NKD1: variants seen among roughly 807,000 people sequenced by gnomAD.
NKD1 encodes the protein protein naked cuticle homolog 1.
Under a neutral mutation model 56.0 loss-of-function variants are expected in NKD1, and 21 were observed. The observed-to-expected ratio is 0.38, with a 90% CI of 0.27 to 0.54. The LOEUF is 0.54. Among genes scored for constraint, NKD1 ranks in the 20% least tolerant of loss-of-function variants. NKD1 has a pLI of 0.82. For missense variants in NKD1, 578 were observed against 642.7 expected (o/e 0.90, Z 1.09); for synonymous variants, 263 against 265.7 (o/e 0.99, Z 0.10).
intron 3 of NKD1, among the ~76,000 whole-genome samples, chr16:50,572,626 G>T (rs1278789566): frequency 6.6e-6 from 1 of 152,106 alleles, no homozygotes; most frequent in East Asian, 1.9e-4. Context: ...GTGAGAAGGG[G>T]TTCAGGGGAT....
chr16:50,574,587 G>C, intron 3 of NKD1: 1 of 985,428 alleles, frequency 1.0e-6, no homozygotes, highest in Non-Finnish European at 1.2e-6. Flanking sequence ...GAGTTCATTA[G>C]CAGCTGGCCT....
At chr16:50,628,034 C>T (rs1043082436) in intron 6 of NKD1, among the ~76,000 whole-genome samples, 1 of 152,148 alleles carries the variant, frequency 6.6e-6, no homozygotes, top group Non-Finnish European at 1.5e-5. Context: ...CTCTGCGGGC[C>T]TCGTCGAAAG....
Position 50,645,094 on chromosome 16 carries a change from T to G in NKD1, c.*11313T>G, listed in dbSNP as rs547340211. On this transcript the variant is annotated 3_prime_UTR_variant, in exon 10 of 10. Transcript: ENST00000268459. The stretch of plus-strand genomic sequence containing the variant: ...ACCACCGTCATCTCCAGGCTTTCTG[T>G]TCATCCGTACTTTCAAAGATTTAGT... 6.6e-6 allele frequency: 1 copy of G among 152,380 alleles called. No individual in the cohort carries two copies. Among genetic ancestry groups the G allele is most frequent in the African/African-American group, 2.4e-5 (1 of 41,578 alleles). The allele number at this position is 152,380 out of a possible 1,614,324, so 9.4% of individuals were successfully genotyped here. A position where few individuals can be genotyped will look rare whatever the true frequency, so the allele number is the denominator to read the frequency against.
intron 3 of NKD1, among the ~76,000 whole-genome samples, chr16:50,594,557 C>G (rs1195498867): frequency 6.6e-6 from 1 of 152,232 alleles, no homozygotes; most frequent in African/African-American, 2.4e-5. Context: ...AGAAGCCAAG[C>G]ACAGGTGCCA....
rs779914235 is a variant in NKD1, at chr16:50,633,225, C to A, written c.857C>A (p.Pro286His). The stretch of plus-strand genomic sequence containing the variant: ...TCCGTGGCCCAGAAGTCAGAACTGC[C>A]CCCCCGCACCTCCAATCCCACTCGA... ...SPSVAQKSEL[P>H]PRTSNPTRSR... The change falls in exon 10 of 10, where the codon CCC becomes CAC. Residue 286 changes from proline (P) to histidine (H), a missense_variant. Pro to His is a moderately conservative substitution (Grantham distance 77, BLOSUM62 -2). Transcript: ENST00000268459. This position sits in a 1 kb window ranked among gnomAD's most constrained non-coding sequence, Gnocchi z 4.9. The A allele has an allele frequency of 2.2e-5, 36 of 1,611,100 alleles. No individual in the cohort carries two copies. Among genetic ancestry groups the A allele is most frequent in the East Asian group, 1.1e-4 (5 of 44,822 alleles).
chr16:50,580,432 G>A (rs577219058), intron 3 of NKD1, among the ~76,000 whole-genome samples: 5 of 152,184 alleles, frequency 3.3e-5, no homozygotes, highest in African/African-American at 4.8e-5. Context: ...GCAGGTACAC[G>A]CAGGGAATGC....
intron 3 of NKD1, among the ~76,000 whole-genome samples, chr16:50,581,214 G>A (rs1255057309): frequency 6.6e-6 from 1 of 152,074 alleles, no homozygotes; most frequent in African/African-American, 2.4e-5. Flanking sequence ...GGAGATTCTG[G>A]GGAAAAAAAG....
At chr16:50,575,115 A>C in intron 3 of NKD1, 1 of 977,626 alleles carries the variant, frequency 1.0e-6, no homozygotes, top group Non-Finnish European at 1.2e-6. Context: ...TTTTTCCTTT[A>C]GCCAAGAAGT....
intron 3 of NKD1, among the ~76,000 whole-genome samples, chr16:50,590,957 T>G (rs2151271872): frequency 6.6e-6 from 1 of 152,178 alleles, no homozygotes; most frequent in East Asian, 1.9e-4. Flanking sequence ...AGCTGGTAGC[T>G]GGGATTACAG....
At chr16:50,583,733 A>G (rs919451424) in intron 3 of NKD1, among the ~76,000 whole-genome samples, 1 of 152,160 alleles carries the variant, frequency 6.6e-6, no homozygotes, top group Admixed American at 6.5e-5. Flanking sequence ...TTGCCTTTTA[A>G]GTATATAAAA....
chr16:50,606,306 C>G (rs28489623), intron 3 of NKD1: 15,253 of 154,466 alleles, frequency 0.099, 849 homozygotes, highest in African/African-American at 0.13. Context: ...CTCGGCCTCC[C>G]GAAGTGCTAG....
intron 2 of NKD1, chr16:50,548,993 C>T (rs1188971801): frequency 1.1e-5 from 10 of 926,828 alleles, no homozygotes; most frequent in Non-Finnish European, 1.3e-5. Flanking sequence ...GCGTCCCTGC[C>T]CTCGGCTCTC....
At chr16:50,627,712 T>C (rs1962254083) in intron 6 of NKD1, among the ~76,000 whole-genome samples, 1 of 152,220 alleles carries the variant, frequency 6.6e-6, no homozygotes, top group Admixed American at 6.5e-5. Context: ...CGTTCGTTCA[T>C]GCAGGAAATA....
At chr16:50,562,998 C>T (rs1378617618) in intron 3 of NKD1, among the ~76,000 whole-genome samples, 6 of 134,630 alleles carry the variant, frequency 4.5e-5, no homozygotes, top group East Asian at 2.1e-4. Context: ...CCCCCCCCCC[C>T]GCCGTAGAAT....
intron 3 of NKD1, among the ~76,000 whole-genome samples, chr16:50,603,655 T>C (rs550787882): frequency 1.3e-5 from 2 of 152,360 alleles, no homozygotes; most frequent in East Asian, 3.9e-4. Context: ...GGGAAGATGT[T>C]ACATTCAGAA....
At position 50,648,894 on chromosome 16, in the gene NKD1, C is replaced by T. The variant is rs1962728871; in HGVS notation, c.*15113C>T. ...CATTTTGGACCATGAGGACAACACC[C>T]TAGAGATGTGGAGTGGCTAAAAGAA... On this transcript the variant is annotated 3_prime_UTR_variant, in exon 10 of 10. Coordinates refer to ENST00000268459, the MANE Select transcript of NKD1 (RefSeq NM_033119.5). The T allele has an allele frequency of 6.6e-6, 1 of 152,186 alleles. No homozygotes were observed. The highest frequency in any genetic ancestry group is 2.4e-5 in the African/African-American group (1 of 41,442). The allele number at this position is 152,186 out of a possible 1,614,324, so 9.4% of individuals were successfully genotyped here.
In NKD1 at chr16:50,634,500, T is replaced by C. The variant is rs942323312; in HGVS notation, c.*719T>C. ...GATACACACACGTATTTAAGGACTA[T>C]CCCTGAGACCATCCTTCTCATTTTG... On this transcript the variant is annotated 3_prime_UTR_variant, in exon 10 of 10. Transcript: ENST00000268459. 2.0e-5 allele frequency: 3 copies of C among 152,356 alleles called. No homozygotes were observed. The highest frequency in any genetic ancestry group is 7.2e-5 in the African/African-American group (3 of 41,428). The allele number at this position is 152,356 out of a possible 1,614,324, so 9.4% of individuals were successfully genotyped here.
At chr16:50,562,980 ACCACCACCCC>A (rs1182933577) in intron 3 of NKD1, among the ~76,000 whole-genome samples, 3 of 56,398 alleles carry the variant, frequency 5.3e-5, no homozygotes, top group African/African-American at 2.9e-4. Flanking sequence ...GCTAGGTCCC[ACCACCACCCC>A]CCCCCCCCGC....
At chr16:50,617,227 C>CA (rs553485172) in intron 4 of NKD1, among the ~76,000 whole-genome samples, 13 of 152,138 alleles carry the variant, frequency 8.5e-5, no homozygotes, top group Non-Finnish European at 1.9e-4. Flanking sequence ...GACCCACAGT[C>CA]AAAGTTGTCA....
Sources: allele counts gnomAD v4.1 joint callset (sites outside exome capture counted in the v4.1 genomes callset), GRCh38; gene constraint gnomAD v4.1.1; non-coding constraint Gnocchi (gnomAD v3.1); transcripts MANE v1.5; gene names NCBI Gene and HGNC (gene_info 2026-07-23, HGNC 2026-07-21).